CD36: variants seen among roughly 807,000 people sequenced by gnomAD.
CD36 encodes the protein CD36 molecule (CD36 blood group), also known as platelet glycoprotein 4.
Under a neutral mutation model 55.2 loss-of-function variants are expected in CD36, and 119 were observed. The ratio of observed to expected loss-of-function variants is 2.15; its 90% CI spans 1.86 to 2.51. CD36 has a LOEUF of 2.51. Ranked by LOEUF, CD36 falls within the 30% of genes most tolerant of loss-of-function variation. CD36 has a pLI of 0.00. For synonymous variants in CD36, 186 were observed against 193.6 expected (o/e 0.96, Z 0.33); for missense variants, 819 against 555.5 (o/e 1.47, Z -4.77).
At chr7:80,650,225 A>G (rs1795496249) in intron 3 of CD36, among the ~76,000 whole-genome samples, 1 of 152,064 alleles carries the variant, frequency 6.6e-6, no homozygotes, top group Non-Finnish European at 1.5e-5. Flanking sequence ...TCATCATCAG[A>G]ATCCTTATAT....
At chr7:80,637,721 GT>G (rs1794523905), upstream of CD36, among the ~76,000 whole-genome samples, 1 of 151,802 alleles carries the variant, frequency 6.6e-6, no homozygotes, top group Non-Finnish European at 1.5e-5. Flanking sequence ...GTATTCTTAG[GT>G]TACTTTACTT....
chr7:80,632,288 G>T (rs570383254), intron 1 of CD36, among the ~76,000 whole-genome samples: 1 of 150,828 alleles, frequency 6.6e-6, no homozygotes, highest in African/African-American at 2.4e-5. Flanking sequence ...GAACAAGAAT[G>T]GTATCACAGA....
rs534604876 is a variant in CD36, at chr7:80,662,316, G to T, written c.430-674G>T. On this transcript the variant is annotated intron_variant, in intron 5 of 14. Coordinates refer to ENST00000447544, the MANE Select transcript of CD36 (RefSeq NM_001001548.3). ...ACATTTTCCTGAAGCTGAAATTGAA[G>T]TGGAGAGGAAGTCAGTTGTCCTCGT... 17 of 162,204 alleles carry T rather than the reference G, an allele frequency of 1.0e-4. No homozygotes were observed. In the South Asian group the frequency reaches 2.6e-3, roughly 25 times the overall value. 10.0% of individuals were successfully genotyped at this position (162,204 alleles called of 1,614,324 possible).
At position 80,672,085 on chromosome 7, in the gene CD36, A is replaced by G. The variant is rs1398526556; in HGVS notation, c.1125+45A>G. The G allele has an allele frequency of 2.2e-6, 3 of 1,391,278 alleles. No homozygotes were observed. In the African/African-American group the frequency reaches 4.3e-5, roughly 20 times the overall value. The allele number at this position is 1,391,278 out of a possible 1,614,324, so 86.2% of individuals were successfully genotyped here. On this transcript the variant is annotated intron_variant, in intron 11 of 14. Transcript: ENST00000447544. ...ATCTGATTTGGTTGATATTTTTAAAAATACAATTGAAATAAAAATAATCTT... is the reference window on the plus strand; with the variant it reads ...ATCTGATTTGGTTGATATTTTTAAAGATACAATTGAAATAAAAATAATCTT...
In CD36 at chr7:80,677,854, A is replaced by G. The variant is rs1011335132; in HGVS notation, c.*1471A>G. On this transcript the variant is annotated 3_prime_UTR_variant, in exon 15 of 15. Coordinates refer to ENST00000447544, the MANE Select transcript of CD36 (RefSeq NM_001001548.3). ...TGACTCAGATCTTAATACAGGGATG[A>G]TCTCATAGCATTTAGATATCAGAAA... 1 of 152,196 alleles carries G rather than the reference A, an allele frequency of 6.6e-6. No individual in the cohort carries two copies. The highest frequency in any genetic ancestry group is 1.9e-4 in the East Asian group (1 of 5,190). The allele number at this position is 152,196 out of a possible 1,614,324, so 9.4% of individuals were successfully genotyped here. A position where few individuals can be genotyped will look rare whatever the true frequency, so the allele number is the denominator to read the frequency against.
intron 1 of CD36, among the ~76,000 whole-genome samples, chr7:80,631,132 T>C (rs371777409): frequency 5.9e-5 from 9 of 151,980 alleles, no homozygotes; most frequent in African/African-American, 1.9e-4. Context: ...GAGAGTGACA[T>C]TCTGTAGCAA....
intron 1 of CD36, among the ~76,000 whole-genome samples, chr7:80,616,395 T>C (rs1307032882): frequency 6.6e-6 from 1 of 151,422 alleles, no homozygotes; most frequent in East Asian, 2.0e-4. Flanking sequence ...GGGTTGTAAG[T>C]TGAATCATTG....
At chr7:80,619,567 A>T (rs1295139689) in intron 1 of CD36, among the ~76,000 whole-genome samples, 1 of 151,486 alleles carries the variant, frequency 6.6e-6, no homozygotes, top group Non-Finnish European at 1.5e-5. Flanking sequence ...GAATCGCTTG[A>T]ACCCAGGAGG....
At chr7:80,603,784 AAAG>A (rs1792381367) in intron 1 of CD36, among the ~76,000 whole-genome samples, 7 of 151,814 alleles carry the variant, frequency 4.6e-5, no homozygotes, top group African/African-American at 1.2e-4. Flanking sequence ...AAAAAAAAAA[AAAG>A]AGTTTTAAAC....
chr7:80,611,245 C>A (rs553207334), intron 1 of CD36, among the ~76,000 whole-genome samples: 1 of 152,144 alleles, frequency 6.6e-6, no homozygotes, highest in Admixed American at 6.5e-5. Flanking sequence ...GCTCTGCCCC[C>A]CTGTTGTGAC....
At chr7:80,653,067 C>T (rs1206612481) in intron 3 of CD36, among the ~76,000 whole-genome samples, 1 of 152,114 alleles carries the variant, frequency 6.6e-6, no homozygotes, top group East Asian at 1.9e-4. Flanking sequence ...GCTCAAACTT[C>T]AATGATGATG....
chr7:80,665,229 C>T (rs1236579922), intron 7 of CD36, among the ~76,000 whole-genome samples: 1 of 150,844 alleles, frequency 6.6e-6, no homozygotes, highest in Non-Finnish European at 1.5e-5. Flanking sequence ...AGCCTATTCA[C>T]CTAAAGAATT....
At chr7:80,604,246 C>A (rs1448485889) in intron 1 of CD36, among the ~76,000 whole-genome samples, 2 of 148,780 alleles carry the variant, frequency 1.3e-5, no homozygotes, top group Non-Finnish European at 3.0e-5. Flanking sequence ...TAAATGATTG[C>A]AAACAGATAT....
Position 80,673,963 on chromosome 7 carries a change from G to C in CD36, c.1255-20G>C, listed in dbSNP as rs753717189. ...TTTACTAACGTACCCAAATAATGTT[G>C]ATTATTAACTTGATTACAGACTGGG... On this transcript the variant is annotated intron_variant, in intron 13 of 14. Coordinates refer to ENST00000447544, the MANE Select transcript of CD36 (RefSeq NM_001001548.3). 6.3e-7 allele frequency: 1 copy of C among 1,598,206 alleles called. No homozygotes were observed. Among genetic ancestry groups the C allele is most frequent in the Non-Finnish European group, 8.6e-7 (1 of 1,166,816 alleles).
In CD36 at chr7:80,663,069, TC is replaced by T. The variant is rs1796684604; in HGVS notation, c.511del (p.Gln171LysfsTer5). The T allele has an allele frequency of 6.2e-7, 1 of 1,613,358 alleles. No individual in the cohort carries two copies. Among genetic ancestry groups the T allele is most frequent in the Non-Finnish European group, 8.5e-7 (1 of 1,179,554 alleles). On this transcript the variant is annotated frameshift_variant, in exon 6 of 15. Coordinates refer to ENST00000447544, the MANE Select transcript of CD36 (RefSeq NM_001001548.3). LOFTEE classifies it high-confidence loss of function. ...ATTAACAAGTCAAAATCTTCTATGTTCCAAGTCAGAACTTTGAGAGAACTGT... is the reference window on the plus strand; with the variant it reads ...ATTAACAAGTCAAAATCTTCTATGTTCAAGTCAGAACTTTGAGAGAACTGT... ...SLINKSKSSM[F>X]QVRTLRELLW...
intron 9 of CD36, 93 bp downstream of exon 9, chr7:80,670,115 T>C (rs1296067876): frequency 1.2e-6 from 1 of 806,742 alleles, no homozygotes. Flanking sequence ...AGGAAATTCA[T>C]CATGTTTATT....
chr7:80,638,400 C>T (rs995949901), upstream of CD36: 19 of 116,240 alleles, frequency 1.6e-4, no homozygotes, highest in African/African-American at 5.0e-4. Context: ...GGGAAATAGC[C>T]AAAAAAAAAA....
intron 13 of CD36, 99 bp from the exon 14 acceptor site, chr7:80,673,884 A>C: frequency 1.2e-6 from 1 of 868,340 alleles, no homozygotes; most frequent in Non-Finnish European, 1.9e-6. Context: ...GATGACTAAC[A>C]CCAATAGAGG....
intron 1 of CD36, among the ~76,000 whole-genome samples, chr7:80,644,278 A>C (rs541093785): frequency 3.3e-5 from 5 of 152,336 alleles, no homozygotes; most frequent in African/African-American, 1.2e-4. Context: ...AGCCAGCCCT[A>C]CTTGCTCAGT....
Sources: allele counts gnomAD v4.1 joint callset (sites outside exome capture counted in the v4.1 genomes callset), GRCh38; gene constraint gnomAD v4.1.1; transcripts MANE v1.5; gene names NCBI Gene and HGNC (gene_info 2026-07-23, HGNC 2026-07-21).